The following KARS1 variants were observed in gnomAD, a reference collection of about 807,000 sequenced individuals.
KARS1 encodes the protein lysine--tRNA ligase.
A neutral mutation model predicts 63.9 loss-of-function variants in KARS1; 50 were observed. That is an observed-to-expected ratio of 0.78 (90% CI 0.62 to 0.99). The LOEUF (loss-of-function observed/expected upper bound fraction) is 0.99, where lower values mean the gene tolerates loss of function less well. Among genes scored for constraint, KARS1 ranks in the 50% least tolerant of loss-of-function variants. The pLI is 0.00. For synonymous variants in KARS1, 320 were observed against 264.6 expected (o/e 1.21, Z -2.03); for missense variants, 816 against 754.5 (o/e 1.08, Z -0.95).
chr16:75,640,143 C>A, intron 3 of KARS1, 41 bp downstream of exon 3: 1 of 1,585,110 alleles, frequency 6.3e-7, no homozygotes, highest in South Asian at 1.1e-5. Context: ...GCAGGCCTAC[C>A]TGCTGTGGGA....
At chr16:75,641,783 C>A in intron 1 of KARS1, 60 bp from the exon 2 acceptor site, 1 of 1,565,434 alleles carries the variant, frequency 6.4e-7, no homozygotes, top group Non-Finnish European at 8.8e-7. Flanking sequence ...CTATGTTCTG[C>A]CCCTAGCAAC....
In KARS1 at chr16:75,637,297, C is replaced by CTATACGGGGAAA. The variant is rs1378558565; in HGVS notation, c.389-762_389-751dup. On this transcript the variant is annotated intron_variant, in intron 3 of 13. Coordinates refer to ENST00000302445, the MANE Select transcript of KARS1 (RefSeq NM_005548.3). Reference sequence around the variant, plus strand: ...CAAACCACCAAGAGCCATAAGACCTCTATACGGGGAAAAAGCAGTGGGGAG... The same window carrying CTATACGGGGAAA: ...CAAACCACCAAGAGCCATAAGACCTCTATACGGGGAAATATACGGGGAAAAAGCAGTGGGGAG... Among the ~76,000 whole-genome samples, 6 of 152,102 alleles carry CTATACGGGGAAA rather than the reference C, an allele frequency of 3.9e-5. No individual in the cohort carries two copies. The East Asian group carries it at 7.7e-4, about 20-fold the overall frequency.
At chr16:75,642,930 T>C (rs745339055) in intron 1 of KARS1, 7 of 152,228 alleles carry the variant, frequency 4.6e-5, no homozygotes, top group Non-Finnish European at 8.8e-5. Context: ...GACCCTGGCA[T>C]TCAGCTAACC....
intron 1 of KARS1, among the ~76,000 whole-genome samples, chr16:75,645,224 C>G (rs564157160): frequency 3.9e-5 from 6 of 152,134 alleles, no homozygotes; most frequent in Non-Finnish European, 7.3e-5. Flanking sequence ...TATTTTAGCT[C>G]ATGGTAACGA....
chr16:75,628,816 G>C (rs1037095595), intron 12 of KARS1, 104 bp from the exon 13 acceptor site: 1 of 1,206,204 alleles, frequency 8.3e-7, no homozygotes, highest in Non-Finnish European at 1.2e-6. Flanking sequence ...TCATTCCAGA[G>C]ATGCTCCTGA....
chr16:75,634,871 G>A (rs539379499), intron 6 of KARS1, among the ~76,000 whole-genome samples: 87 of 152,188 alleles, frequency 5.7e-4, no homozygotes, highest in Non-Finnish European at 1.0e-3. Flanking sequence ...CACTGCGCCC[G>A]GCCCAATTCC....
At chr16:75,632,416 C>T (rs367690593) in intron 7 of KARS1, among the ~76,000 whole-genome samples, 70 of 152,198 alleles carry the variant, frequency 4.6e-4, no homozygotes, top group African/African-American at 1.5e-3. Flanking sequence ...CTGAACCTCC[C>T]CAAGGAAGCA....
At chr16:75,628,957 CT>C in intron 12 of KARS1, 1 of 551,816 alleles carries the variant, frequency 1.8e-6, no homozygotes, top group Non-Finnish European at 3.2e-6. Context: ...GAAAACCCTT[CT>C]GCTGCTTGGG....
intron 1 of KARS1, 107 bp from the exon 2 acceptor site, chr16:75,641,830 TG>T (rs2082228638): frequency 3.4e-6 from 4 of 1,174,288 alleles, no homozygotes; most frequent in Non-Finnish European, 5.0e-6. Flanking sequence ...GAAACGCTCT[TG>T]CTCAGTTCTA....
At chr16:75,644,528 T>C in intron 1 of KARS1, 9 of 1,172,988 alleles carry the variant, frequency 7.7e-6, no homozygotes, top group Non-Finnish European at 1.1e-5. Flanking sequence ...CAACCAACTC[T>C]CTTATGGGTT....
chr16:75,644,527 C>A, intron 1 of KARS1: 1 of 1,187,984 alleles, frequency 8.4e-7, no homozygotes, highest in African/African-American at 1.5e-5. Context: ...CCAACCAACT[C>A]TCTTATGGGT....
chr16:75,639,928 G>A (rs917378665), intron 3 of KARS1: 9 of 507,748 alleles, frequency 1.8e-5, no homozygotes, highest in African/African-American at 7.7e-5. Flanking sequence ...GACTTCTACC[G>A]CTGATTCTTG....
In KARS1 at chr16:75,628,597, A is replaced by G. The variant is rs1459656686; in HGVS notation, c.1667T>C (p.Met556Thr). The change falls in exon 13 of 14, where the codon ATG becomes ACG. Residue 556 changes from methionine (M) to threonine (T), a missense_variant. Coordinates refer to ENST00000302445, the MANE Select transcript of KARS1 (RefSeq NM_005548.3). Reference protein sequence around the residue: ...GWGMGIDRVAMFLTDSNNIKE... With the variant: ...GWGMGIDRVATFLTDSNNIKE... ...GATGTTGTTGGAGTCCGTGAGAAAC[A>G]TGGCGACTCGATCAATGCCCATGCC... The G allele has an allele frequency of 6.2e-7, 1 of 1,614,080 alleles. No individual in the cohort carries two copies. Among genetic ancestry groups the G allele is most frequent in the Middle Eastern group, 1.7e-4 (1 of 5,962 alleles).
At chr16:75,631,116 G>T in intron 10 of KARS1, 52 bp downstream of exon 10, 1 of 1,434,850 alleles carries the variant, frequency 7.0e-7, no homozygotes, top group East Asian at 2.3e-5. Context: ...AGGGAAGAGG[G>T]AACCATTCAG....
intron 13 of KARS1, among the ~76,000 whole-genome samples, chr16:75,628,349 T>C (rs1287055523): frequency 2.0e-5 from 3 of 152,174 alleles, no homozygotes; most frequent in Non-Finnish European, 4.4e-5. Flanking sequence ...CCTCAAGAAA[T>C]GCAAACAATT....
intron 11 of KARS1, among the ~76,000 whole-genome samples, 196 bp downstream of exon 11, chr16:75,630,227 G>GT (rs2082096380): frequency 1.3e-5 from 2 of 152,134 alleles, no homozygotes; most frequent in South Asian, 4.1e-4. Context: ...GGATAAGATC[G>GT]TATGTGGAGT....
At position 75,636,076 on chromosome 16, in the gene KARS1, ATTC is replaced by A. The variant is rs761605526; in HGVS notation, c.502_504del (p.Glu168del). ...CGCAGTTTGTTATTAATATGAATAA[ATTC>A]TTCTTCTGATTTATAATTTCTGAGT... On this transcript the variant is annotated inframe_deletion, in exon 5 of 14. Transcript: ENST00000302445. 31 of 1,591,688 alleles carry A rather than the reference ATTC, an allele frequency of 1.9e-5. No homozygotes were observed. The highest frequency in any genetic ancestry group is 1.7e-4 in the Middle Eastern group (1 of 6,028).
chr16:75,629,659 GT>G, intron 11 of KARS1, 118 bp from the exon 12 acceptor site: 1 of 1,091,882 alleles, frequency 9.2e-7, no homozygotes, highest in East Asian at 2.6e-5. Flanking sequence ...GAGTGCAGTG[GT>G]GTGATCTCGG....
chr16:75,629,775 T>G (rs1183539390), intron 11 of KARS1, among the ~76,000 whole-genome samples: 1 of 152,162 alleles, frequency 6.6e-6, no homozygotes, highest in Non-Finnish European at 1.5e-5. Flanking sequence ...TTTTTGTATT[T>G]TTAGTAGAGA....
Sources: allele counts gnomAD v4.1 joint callset (sites outside exome capture counted in the v4.1 genomes callset), GRCh38; gene constraint gnomAD v4.1.1; transcripts MANE v1.5; gene names NCBI Gene and HGNC (gene_info 2026-07-23, HGNC 2026-07-21).